CRYBG3: variants seen among roughly 807,000 people sequenced by gnomAD.
CRYBG3 encodes the protein crystallin beta-gamma domain containing 3, also known as very large A-kinase anchor protein.
A neutral mutation model predicts 244.2 loss-of-function variants in CRYBG3; 127 were observed. The ratio of observed to expected loss-of-function variants is 0.52; its 90% CI spans 0.45 to 0.60. The LOEUF (loss-of-function observed/expected upper bound fraction) is 0.60, where lower values mean the gene tolerates loss of function less well. CRYBG3 is among the 20% of genes least tolerant of loss of function. The probability of loss-of-function intolerance (pLI) is 0.00; values close to 1 mark genes in which losing one functional copy is unlikely to be tolerated. For synonymous variants in CRYBG3, 1,132 were observed against 1,195.8 expected, an observed-to-expected ratio of 0.95 and a Z score of 1.10; for missense variants, 3,325 against 3,442.5, an observed-to-expected ratio of 0.97 and a Z score of 0.85.
intron 21 of CRYBG3, 134 bp from the exon 22 acceptor site, chr3:97,943,092 C>T: frequency 1.6e-6 from 1 of 608,460 alleles, no homozygotes; most frequent in South Asian, 2.1e-5. Context: ...AACTCAGCTT[C>T]CCATTTCAGA....
chr3:97,858,597 A>G (rs1398093537), intron 2 of CRYBG3, among the ~76,000 whole-genome samples: 1 of 152,040 alleles, frequency 6.6e-6, no homozygotes, highest in African/African-American at 2.4e-5. Flanking sequence ...CATCTAATCT[A>G]TTATTGATAC....
intron 1 of CRYBG3, among the ~76,000 whole-genome samples, chr3:97,835,383 G>C (rs1449725957): frequency 6.6e-6 from 1 of 152,068 alleles, no homozygotes; most frequent in Non-Finnish European, 1.5e-5. Context: ...GGTAGCATTT[G>C]AGCAAAGACC....
At chr3:97,922,731 C>G (rs1219238903) in intron 17 of CRYBG3, among the ~76,000 whole-genome samples, 3 of 152,154 alleles carry the variant, frequency 2.0e-5, no homozygotes, top group African/African-American at 4.8e-5. Flanking sequence ...CACTTTTACA[C>G]TGTTGGTGGG....
In CRYBG3 at chr3:97,875,600, G is replaced by A; in HGVS notation, c.4406G>A (p.Arg1469Lys). Residue 1469 changes from arginine to lysine, a missense_variant, in exon 4 of 22, where the codon AGA becomes AAA. By Grantham distance (26) the Arg-to-Lys change is conservative. Coordinates refer to ENST00000389622, the MANE Select transcript of CRYBG3 (RefSeq NM_153605.4). ...VDNNKTETED[R>K]RTLVLNFKWP... ...AATAACAAAACTGAGACAGAGGACA[G>A]AAGAACTCTTGTATTAAATTTCAAA... 1 of 1,236,590 alleles carries A rather than the reference G, an allele frequency of 8.1e-7. No individual in the cohort carries two copies. The allele number at this position is 1,236,590 out of a possible 1,614,324, so 76.6% of individuals were successfully genotyped here.
At chr3:97,926,021 A>G (rs1441243111) in intron 17 of CRYBG3, among the ~76,000 whole-genome samples, 1 of 152,018 alleles carries the variant, frequency 6.6e-6, no homozygotes, top group East Asian at 1.9e-4. Context: ...TCTACCATTA[A>G]TAACTGTTAG....
intron 7 of CRYBG3, among the ~76,000 whole-genome samples, chr3:97,885,894 A>G (rs527936431): frequency 1.3e-5 from 2 of 152,186 alleles, no homozygotes; most frequent in African/African-American, 2.4e-5. Context: ...GTGCTTGACT[A>G]GTGGTTGTAA....
At chr3:97,855,153 A>G (rs890111585) in intron 2 of CRYBG3, among the ~76,000 whole-genome samples, 1 of 152,152 alleles carries the variant, frequency 6.6e-6, no homozygotes. Context: ...TGTGTTGTAT[A>G]TGTTGAATTG....
intron 1 of CRYBG3, among the ~76,000 whole-genome samples, chr3:97,822,796 G>C (rs1477322061): frequency 3.9e-5 from 6 of 152,252 alleles, no homozygotes; most frequent in African/African-American, 1.4e-4. Flanking sequence ...CGCGATCCCA[G>C]CACCACTTGT....
intron 3 of CRYBG3, among the ~76,000 whole-genome samples, chr3:97,865,203 G>A (rs2039211256): frequency 6.6e-6 from 1 of 152,100 alleles, no homozygotes; most frequent in African/African-American, 2.4e-5. Context: ...TCTCAAATGA[G>A]GTAGAAGGAA....
chr3:97,900,368 A>AT, intron 14 of CRYBG3, 85 bp from the exon 15 acceptor site: 1 of 865,626 alleles, frequency 1.2e-6, no homozygotes, highest in South Asian at 1.6e-5. Context: ...AGAAAAAAAA[A>AT]TTTTTTTCAA....
chr3:97,904,664 ATTTTTATTTTTTTTAT>A (rs1416965874), intron 15 of CRYBG3, among the ~76,000 whole-genome samples: 1 of 148,740 alleles, frequency 6.7e-6, no homozygotes, highest in Admixed American at 6.6e-5. Flanking sequence ...CTTTTCTTTT[ATTTTTATTTTTTTTAT>A]TTTTTATTTT....
At chr3:97,827,666 A>C (rs1163337009) in intron 1 of CRYBG3, among the ~76,000 whole-genome samples, 1 of 152,186 alleles carries the variant, frequency 6.6e-6, no homozygotes, top group Non-Finnish European at 1.5e-5. Flanking sequence ...AATACCCTTT[A>C]TTAAGCCCTG....
intron 2 of CRYBG3, among the ~76,000 whole-genome samples, chr3:97,853,848 T>TAA (rs200555013): frequency 1.6e-5 from 1 of 61,346 alleles, no homozygotes; most frequent in Non-Finnish European, 4.2e-5. Flanking sequence ...GAGCATTTTT[T>TAA]CACGTTTTTG....
intron 17 of CRYBG3, among the ~76,000 whole-genome samples, chr3:97,929,525 G>A (rs1553709901): frequency 5.3e-5 from 8 of 151,540 alleles, no homozygotes; most frequent in Non-Finnish European, 1.2e-4. Flanking sequence ...TATAATTCAA[G>A]TATACTTATA....
chr3:97,889,767 A>C (rs1047956697), intron 10 of CRYBG3, among the ~76,000 whole-genome samples: 1 of 152,172 alleles, frequency 6.6e-6, no homozygotes, highest in Non-Finnish European at 1.5e-5. Flanking sequence ...AACATGATCA[A>C]GGCTGATCAA....
intron 17 of CRYBG3, among the ~76,000 whole-genome samples, chr3:97,918,637 C>T (rs2039952548): frequency 6.6e-6 from 1 of 152,172 alleles, no homozygotes; most frequent in South Asian, 2.1e-4. Context: ...CAACAGTCTC[C>T]AGAATCATAG....
chr3:97,859,694 T>C (rs1395329747), intron 2 of CRYBG3, among the ~76,000 whole-genome samples: 1 of 152,162 alleles, frequency 6.6e-6, no homozygotes, highest in African/African-American at 2.4e-5. Flanking sequence ...AATCCTAGTT[T>C]CACCTTTTTG....
chr3:97,876,099 G>A lies in CRYBG3; in HGVS notation c.4905G>A (p.Glu1635=), dbSNP rs1436267880. ...CTGAAGGGGATATTGGCAAAATTGA[G>A]GTGATACCTATGATGCCAGAAGTGA... ...KDTEGDIGKI[E]VIPMMPEVKN... Residue 1635 remains glutamate (E), a synonymous_variant, in exon 4 of 22, where the codon GAG becomes GAA. Transcript: ENST00000389622. 1.6e-6 allele frequency: 2 copies of A among 1,231,696 alleles called. No individual in the cohort carries two copies. The highest frequency in any genetic ancestry group is 3.1e-5 in the African/African-American group (2 of 64,322). The allele number at this position is 1,231,696 out of a possible 1,614,324, so 76.3% of individuals were successfully genotyped here. A position where few individuals can be genotyped will look rare whatever the true frequency, so the allele number is the denominator to read the frequency against.
At chr3:97,932,660 T>C (rs752313394) in intron 17 of CRYBG3, among the ~76,000 whole-genome samples, 2 of 152,044 alleles carry the variant, frequency 1.3e-5, no homozygotes, top group Non-Finnish European at 2.9e-5. Context: ...AACTTTCCAC[T>C]GGGAATAGAT....
Sources: allele counts gnomAD v4.1 joint callset (sites outside exome capture counted in the v4.1 genomes callset), GRCh38; gene constraint gnomAD v4.1.1; transcripts MANE v1.5; gene names NCBI Gene and HGNC (gene_info 2026-07-23, HGNC 2026-07-21).